TBCK: variants seen among roughly 807,000 people sequenced by gnomAD.
TBCK encodes TBC domain-containing protein kinase-like protein.
TBCK carries 99 observed loss-of-function variants against 113.4 expected under a neutral mutation model. The ratio of observed to expected loss-of-function variants is 0.87; its 90% CI spans 0.74 to 1.03. The LOEUF (loss-of-function observed/expected upper bound fraction) is 1.03, where lower values mean the gene tolerates loss of function less well. Ranked by LOEUF, TBCK falls within the 50% of genes least tolerant of loss-of-function variation. TBCK has a pLI of 0.00. For missense variants in TBCK, 1,045 were observed against 1,061.3 expected, an observed-to-expected ratio of 0.98 and a Z score of 0.21; for synonymous variants, 369 against 370.8, an observed-to-expected ratio of 1.00 and a Z score of 0.05.
intron 23 of TBCK, among the ~76,000 whole-genome samples, chr4:106,128,586 G>C (rs1262031057): frequency 1.3e-5 from 2 of 151,920 alleles, no homozygotes; most frequent in Admixed American, 6.6e-5. Context: ...AAACTACCTA[G>C]AATTAACCTT....
intron 25 of TBCK, among the ~76,000 whole-genome samples, chr4:106,079,730 T>G (rs778652827): frequency 6.6e-6 from 1 of 152,198 alleles, no homozygotes; most frequent in Non-Finnish European, 1.5e-5. Context: ...TGCATTGTTA[T>G]AAATAATTGC....
chr4:106,167,672 G>A (rs568102420), intron 23 of TBCK, among the ~76,000 whole-genome samples: 14 of 151,688 alleles, frequency 9.2e-5, no homozygotes, highest in African/African-American at 2.4e-4. Context: ...TAGCAGAAAT[G>A]AAAGAGATCT....
chr4:106,130,232 T>A (rs1393016845), intron 23 of TBCK, among the ~76,000 whole-genome samples: 2 of 152,308 alleles, frequency 1.3e-5, no homozygotes, highest in East Asian at 3.9e-4. Flanking sequence ...GAGAAAAATG[T>A]GTAATATGTA....
At chr4:106,223,613 C>T (rs188685086) in intron 19 of TBCK, among the ~76,000 whole-genome samples, 1 of 152,176 alleles carries the variant, frequency 6.6e-6, no homozygotes, top group East Asian at 1.9e-4. Flanking sequence ...TACAGGTAAA[C>T]AGAAAATTGG....
intron 24 of TBCK, among the ~76,000 whole-genome samples, chr4:106,114,237 C>G (rs1743222159): frequency 1.3e-5 from 2 of 152,106 alleles, no homozygotes; most frequent in African/African-American, 4.8e-5. Flanking sequence ...AAGATGCAAA[C>G]CTTCTTGGAA....
At chr4:106,050,050 G>T (rs531868483) in intron 25 of TBCK, among the ~76,000 whole-genome samples, 1 of 152,150 alleles carries the variant, frequency 6.6e-6, no homozygotes, top group South Asian at 2.1e-4. Flanking sequence ...AGAGGCTGCT[G>T]TGTTTGTAGG....
At chr4:106,121,600 C>G (rs1015491547) in intron 23 of TBCK, among the ~76,000 whole-genome samples, 1 of 151,868 alleles carries the variant, frequency 6.6e-6, no homozygotes, top group Non-Finnish European at 1.5e-5. Context: ...CACACCTATT[C>G]CAAAATTGAC....
At chr4:106,243,102 A>T (rs949463656) in intron 11 of TBCK, among the ~76,000 whole-genome samples, 1 of 152,160 alleles carries the variant, frequency 6.6e-6, no homozygotes, top group Admixed American at 6.6e-5. Context: ...ATACATAAAC[A>T]TATACATATG....
At chr4:106,141,844 T>C (rs1460463041) in intron 23 of TBCK, among the ~76,000 whole-genome samples, 1 of 140,784 alleles carries the variant, frequency 7.1e-6, no homozygotes, top group African/African-American at 2.5e-5. Context: ...AAATAATTTT[T>C]CCCAAGGGAT....
rs1560798974 is a variant in TBCK at position 106,194,769 on chromosome 4, A to G, written c.1861-15T>C. 10 of 1,558,914 alleles carry G rather than the reference A, an allele frequency of 6.4e-6. No individual in the cohort carries two copies. Among genetic ancestry groups the G allele is most frequent in the Admixed American group, 2.1e-5 (1 of 47,814 alleles). On this transcript the variant is annotated splice_polypyrimidine_tract_variant and intron_variant, in intron 20 of 25. Transcript: ENST00000394708. ...ATGGCATAGAGCTATGAGTGGAAAAAGGGGTACAGGGAATGGATAAAAAGG... is the reference window on the plus strand; with the variant it reads ...ATGGCATAGAGCTATGAGTGGAAAAGGGGGTACAGGGAATGGATAAAAAGG...
At chr4:106,205,327 A>C (rs1218441753) in intron 20 of TBCK, among the ~76,000 whole-genome samples, 1 of 152,148 alleles carries the variant, frequency 6.6e-6, no homozygotes, top group African/African-American at 2.4e-5. Context: ...AATTCATGAC[A>C]CTACAAAATT....
chr4:106,109,890 T>G (rs912284336), intron 24 of TBCK, among the ~76,000 whole-genome samples: 6 of 152,196 alleles, frequency 3.9e-5, no homozygotes, highest in African/African-American at 1.4e-4. Flanking sequence ...ACAAACCTTC[T>G]TGGACGTCCA....
intron 3 of TBCK, among the ~76,000 whole-genome samples, chr4:106,282,336 T>C (rs1276848336): frequency 6.6e-6 from 1 of 152,034 alleles, no homozygotes; most frequent in Non-Finnish European, 1.5e-5. Flanking sequence ...CTTCTTTATC[T>C]TTTTTAACAA....
At chr4:106,092,572 G>A (rs1296480769) in intron 25 of TBCK, among the ~76,000 whole-genome samples, 1 of 152,224 alleles carries the variant, frequency 6.6e-6, no homozygotes. Flanking sequence ...GGCCCGGTGA[G>A]AAATCAAGTG....
chr4:106,298,472 G>T (rs555305429), intron 2 of TBCK, among the ~76,000 whole-genome samples: 1 of 151,732 alleles, frequency 6.6e-6, no homozygotes, highest in Non-Finnish European at 1.5e-5. Flanking sequence ...TTAGCCAGGC[G>T]TGGTGGCAGG....
At chr4:106,182,954 C>A (rs1322702861) in intron 22 of TBCK, among the ~76,000 whole-genome samples, 4 of 152,080 alleles carry the variant, frequency 2.6e-5, no homozygotes, top group Non-Finnish European at 5.9e-5. Flanking sequence ...GAGTAACTCA[C>A]TGATCCACGT....
At chr4:106,276,699 C>A (rs989049371) in intron 3 of TBCK, among the ~76,000 whole-genome samples, 8 of 152,072 alleles carry the variant, frequency 5.3e-5, no homozygotes, top group Admixed American at 2.6e-4. Flanking sequence ...TCGAGACCAA[C>A]CTGGCCAACC....
At position 106,212,810 on chromosome 4, in the gene TBCK, C is replaced by A; in HGVS notation, c.1800G>T (p.Met600Ile). The change falls in exon 20 of 26, where the codon ATG becomes ATT. Residue 600 changes from methionine (M) to isoleucine (I), a missense_variant. Transcript: ENST00000394708. The part of the protein sequence containing the change: ...IQEYLTVFSQ[M>I]IAFHDPELSN... ...TCAGCTCTGGATCATGAAATGCAAT[C>A]ATCTGAGAGAAGACAGTCAGATACT... The A allele has an allele frequency of 6.2e-7, 1 of 1,612,470 alleles. No individual in the cohort carries two copies. Among genetic ancestry groups the A allele is most frequent in the Non-Finnish European group, 8.5e-7 (1 of 1,179,108 alleles).
chr4:106,210,480 T>C (rs1755999643), intron 20 of TBCK, among the ~76,000 whole-genome samples: 1 of 152,176 alleles, frequency 6.6e-6, no homozygotes, highest in African/African-American at 2.4e-5. Flanking sequence ...TTATAAGCTT[T>C]CAAGGAGGGT....
Sources: allele counts gnomAD v4.1 joint callset (sites outside exome capture counted in the v4.1 genomes callset), GRCh38; gene constraint gnomAD v4.1.1; transcripts MANE v1.5; gene names NCBI Gene and HGNC (gene_info 2026-07-23, HGNC 2026-07-21).